The following MEOX2 variants were observed in gnomAD, a reference collection of about 807,000 sequenced individuals.
MEOX2 encodes mesenchyme homeobox 2.
Under a neutral mutation model 27.0 loss-of-function variants are expected in MEOX2, and 11 were observed. That is an observed-to-expected ratio of 0.41 (90% confidence interval 0.26 to 0.68). MEOX2 has a LOEUF of 0.68. Among genes scored for constraint, MEOX2 ranks in the 30% least tolerant of loss-of-function variants. MEOX2 has a pLI of 0.33. For missense variants in MEOX2, 436 were observed against 385.4 expected (o/e 1.13, Z -1.10); for synonymous variants, 189 against 155.4 (o/e 1.22, Z -1.61).
At chr7:15,612,691 T>C in intron 2 of MEOX2, 80 bp from the exon 3 acceptor site, 1 of 1,169,434 alleles carries the variant, frequency 8.6e-7, no homozygotes, top group South Asian at 1.3e-5. Flanking sequence ...GTGTCATCAA[T>C]GAAAAGAAGT....
chr7:15,628,023 A>G (rs1445347402), intron 1 of MEOX2, among the ~76,000 whole-genome samples: 2 of 152,090 alleles, frequency 1.3e-5, no homozygotes, highest in Admixed American at 1.3e-4. Flanking sequence ...TCTTCTAGGA[A>G]CCCAAATGAT....
chr7:15,633,362 G>A (rs544502225), intron 1 of MEOX2, among the ~76,000 whole-genome samples: 1 of 151,988 alleles, frequency 6.6e-6, no homozygotes, highest in South Asian at 2.1e-4. Context: ...GAGAAGATGG[G>A]GAGGGAAAGA....
At chr7:15,655,201 G>C (rs553948865) in intron 1 of MEOX2, among the ~76,000 whole-genome samples, 3 of 151,432 alleles carry the variant, frequency 2.0e-5, no homozygotes, top group Non-Finnish European at 3.0e-5. Context: ...TTGTCCTTTT[G>C]ATGTCTACAG....
chr7:15,665,508 A>G (rs563228076), intron 1 of MEOX2, among the ~76,000 whole-genome samples: 1 of 152,212 alleles, frequency 6.6e-6, no homozygotes, highest in South Asian at 2.1e-4. Flanking sequence ...AATGAAATAT[A>G]TTAATGTTAA....
chr7:15,612,729 T>C lies in MEOX2; in HGVS notation c.691-118A>G. 2 of 702,094 alleles carry C rather than the reference T, an allele frequency of 2.8e-6. 1 individual carries two copies. The highest frequency in any genetic ancestry group is 3.6e-5 in the South Asian group (2 of 54,880). 43.5% of individuals were successfully genotyped at this position (702,094 alleles called of 1,614,324 possible). ...CTCAAAGGCTTATACAAAGACACCATGAAGGAGTGAATAGAAAAATAAATC... is the reference window on the plus strand; with the variant it reads ...CTCAAAGGCTTATACAAAGACACCACGAAGGAGTGAATAGAAAAATAAATC... On this transcript the variant is annotated intron_variant, in intron 2 of 2. Coordinates refer to ENST00000262041, the MANE Select transcript of MEOX2 (RefSeq NM_005924.5).
At chr7:15,651,465 G>A (rs1781731725) in intron 1 of MEOX2, among the ~76,000 whole-genome samples, 1 of 151,942 alleles carries the variant, frequency 6.6e-6, no homozygotes, top group Admixed American at 6.6e-5. Flanking sequence ...AGAATATAAT[G>A]TAATTTCTAC....
In MEOX2 at chr7:15,666,962, A is replaced by T. The variant is rs76493943; in HGVS notation, c.517+18924T>A. ...TCAAAATGATTAGATTCTGGCCACC[A>T]TCTACTAGATATTCATGTACTCATC... On this transcript the variant is annotated intron_variant, in intron 1 of 2. Coordinates refer to ENST00000262041, the MANE Select transcript of MEOX2 (RefSeq NM_005924.5). Among the ~76,000 whole-genome samples, 1,066 of 150,682 alleles carry T rather than the reference A, an allele frequency of 7.1e-3. 19 individuals are homozygous for T. The highest frequency in any genetic ancestry group is 0.024 in the African/African-American group (1,001 of 40,944).
rs370855135 is a variant in MEOX2, at chr7:15,669,686, C to T, written c.517+16200G>A. On this transcript the variant is annotated intron_variant, in intron 1 of 2. Transcript: ENST00000262041. The stretch of plus-strand genomic sequence containing the variant: ...CGGTATAGACAAGAGACTCCCTATA[C>T]GTCACTCTTTTCTTTTGCATTTGCT... 4.6e-5 allele frequency among the ~76,000 whole-genome samples: 7 copies of T among 152,326 alleles called. 1 individual carries two copies. The highest frequency in any genetic ancestry group is 1.4e-4 in the African/African-American group (6 of 41,582).
At chr7:15,660,525 T>A (rs192683017) in intron 1 of MEOX2, among the ~76,000 whole-genome samples, 43 of 152,198 alleles carry the variant, frequency 2.8e-4, no homozygotes, top group African/African-American at 9.9e-4. Context: ...TTTAGCAGCT[T>A]CTGTGGTCCC....
At chr7:15,668,722 C>A (rs369473630) in intron 1 of MEOX2, among the ~76,000 whole-genome samples, 2 of 152,122 alleles carry the variant, frequency 1.3e-5, no homozygotes, top group African/African-American at 4.8e-5. Flanking sequence ...ATGATCCGCT[C>A]GCCTCAGCCT....
intron 1 of MEOX2, among the ~76,000 whole-genome samples, chr7:15,654,791 C>G (rs903987827): frequency 6.6e-6 from 1 of 151,458 alleles, no homozygotes; most frequent in Non-Finnish European, 1.5e-5. Context: ...ATTTTATTTG[C>G]TATTATTTTA....
chr7:15,616,166 A>G (rs1487455005), intron 2 of MEOX2, among the ~76,000 whole-genome samples: 1 of 151,824 alleles, frequency 6.6e-6, no homozygotes, highest in African/African-American at 2.4e-5. Context: ...ATTTGATTAT[A>G]TAGAATAACT....
At chr7:15,666,635 C>G (rs1782008582) in intron 1 of MEOX2, among the ~76,000 whole-genome samples, 1 of 150,240 alleles carries the variant, frequency 6.7e-6, no homozygotes, top group Non-Finnish European at 1.5e-5. Flanking sequence ...GCCTATAGTC[C>G]CAGCTATTTG....
intron 1 of MEOX2, among the ~76,000 whole-genome samples, chr7:15,627,968 T>C (rs1297350577): frequency 1.3e-5 from 2 of 152,094 alleles, no homozygotes; most frequent in Non-Finnish European, 1.5e-5. Context: ...TTTGCACATG[T>C]ACAAACAAGC....
chr7:15,620,487 G>A (rs1781205396), intron 2 of MEOX2, among the ~76,000 whole-genome samples: 2 of 152,030 alleles, frequency 1.3e-5, no homozygotes, highest in Admixed American at 1.3e-4. Flanking sequence ...GCAGGAGAAT[G>A]GCCTGAACTC....
intron 2 of MEOX2, among the ~76,000 whole-genome samples, chr7:15,624,276 G>C (rs1440842316): frequency 1.3e-5 from 2 of 152,114 alleles, no homozygotes; most frequent in Admixed American, 6.6e-5. Flanking sequence ...TTGCAAAACT[G>C]CACGTAGAGA....
At chr7:15,657,483 C>G (rs557332661) in intron 1 of MEOX2, among the ~76,000 whole-genome samples, 13 of 152,196 alleles carry the variant, frequency 8.5e-5, no homozygotes, top group African/African-American at 2.6e-4. Flanking sequence ...TAAGCTCATC[C>G]ATTGAGATTT....
At chr7:15,652,369 G>T (rs932325074) in intron 1 of MEOX2, among the ~76,000 whole-genome samples, 1 of 152,066 alleles carries the variant, frequency 6.6e-6, no homozygotes, top group East Asian at 1.9e-4. Context: ...TGGCATAAAA[G>T]CATGTAATAT....
chr7:15,654,390 T>G (rs1781787839), intron 1 of MEOX2, among the ~76,000 whole-genome samples: 1 of 151,816 alleles, frequency 6.6e-6, no homozygotes, highest in South Asian at 2.1e-4. Context: ...CTTTCTGATC[T>G]GTATGCATTT....
Sources: allele counts gnomAD v4.1 joint callset (sites outside exome capture counted in the v4.1 genomes callset), GRCh38; gene constraint gnomAD v4.1.1; transcripts MANE v1.5; gene names NCBI Gene and HGNC (gene_info 2026-07-23, HGNC 2026-07-21).